Variants in OR3A1 observed in about 807,000 individuals in gnomAD.
The protein encoded by OR3A1 is olfactory receptor family 3 subfamily A member 1.
For missense variants in OR3A1, 402 were observed against 393.8 expected, an observed-to-expected ratio of 1.02 and a Z score of -0.18; for synonymous variants, 145 against 160.0, an observed-to-expected ratio of 0.91 and a Z score of 0.71.
intron 1 of OR3A1, among the ~76,000 whole-genome samples, chr17:3,296,866 A>C (rs532784120): frequency 1.4e-4 from 21 of 152,344 alleles, no homozygotes; most frequent in African/African-American, 4.8e-4. Flanking sequence ...AATTGTGTTA[A>C]ACTTTCAAGG....
At chr17:3,295,428 C>T (rs1188600216) in intron 1 of OR3A1, among the ~76,000 whole-genome samples, 2 of 151,992 alleles carry the variant, frequency 1.3e-5, no homozygotes, top group Non-Finnish European at 2.9e-5. Flanking sequence ...TGGAACTCTA[C>T]ACAAAGTTAC....
At position 3,292,553 on chromosome 17, in the gene OR3A1, T is replaced by C; in HGVS notation, c.30A>G (p.Thr10=). 6.2e-7 allele frequency: 1 copy of C among 1,611,604 alleles called. No homozygotes were observed. Residue 10 remains threonine (T), a synonymous_variant, in exon 2 of 2, where the codon ACA becomes ACG. Coordinates refer to ENST00000323404, the MANE Select transcript of OR3A1 (RefSeq NM_002550.3). MQPESGANG[T]VIAEFILLGL... The stretch of plus-strand genomic sequence containing the variant: ...CCAGCAGGATGAACTCAGCAATGAC[T>C]GTTCCATTGGCCCCAGATTCTGGCT...
Position 3,291,703 on chromosome 17 carries a change from T to C in OR3A1, c.880A>G (p.Ser294Gly), listed in dbSNP as rs1173562145. 1.9e-6 allele frequency: 3 copies of C among 1,612,168 alleles called. No individual in the cohort carries two copies. The highest frequency in any genetic ancestry group is 2.5e-6 in the Non-Finnish European group (3 of 1,178,414). ...CTCTGCACATCAGGGTTTCTGAAGC[T>C]GTAGATGATTGGGTTCAGCATGGGA... ...INPMLNPIIY[S>G]FRNPDVQSAI... The change falls in exon 2 of 2, where the codon AGC (serine) becomes GGC (glycine). Residue 294 changes from serine to glycine, a missense_variant. Physicochemically the swap from Ser to Gly is moderately conservative, Grantham distance 56 (BLOSUM62 0). Transcript: ENST00000323404.
At chr17:3,293,469 T>C (rs1337158306) in intron 1 of OR3A1, among the ~76,000 whole-genome samples, 1 of 152,206 alleles carries the variant, frequency 6.6e-6, no homozygotes, top group African/African-American at 2.4e-5. Flanking sequence ...AGGTTCCTGC[T>C]AGTCTGAAAC....
rs761434017 is a variant in OR3A1, at chr17:3,291,628, G to A, written c.*7C>T. 1.9e-6 allele frequency: 3 copies of A among 1,579,164 alleles called. No homozygotes were observed. In the South Asian group the frequency reaches 3.4e-5, roughly 18 times the overall value. On this transcript the variant is annotated 3_prime_UTR_variant, in exon 2 of 2. Coordinates refer to ENST00000323404, the MANE Select transcript of OR3A1 (RefSeq NM_002550.3). Reference sequence around the variant, plus strand: ...GACACAGGGAGAAAGGGTCAATTGAGACCTCCTCAAGCCAGTGACCGCCTC... The same window carrying A: ...GACACAGGGAGAAAGGGTCAATTGAAACCTCCTCAAGCCAGTGACCGCCTC...
At position 3,292,138 on chromosome 17, in the gene OR3A1, C is replaced by A; in HGVS notation, c.445G>T (p.Ala149Ser). Residue 149 changes from alanine (A) to serine (S), a missense_variant, in exon 2 of 2, where the codon GCT becomes TCT. Transcript: ENST00000323404. ...GTGAAAGCACAAGCCCAGGACGCAG[C>A]CACCAACATCCTCTGGACTGTCTGA... is the stretch of plus-strand genomic sequence containing the variant. Reference protein sequence around the residue: ...MSQTVQRMLVAASWACAFTNA... With the variant: ...MSQTVQRMLVSASWACAFTNA... 6.2e-7 allele frequency: 1 copy of A among 1,614,128 alleles called. No individual in the cohort carries two copies. Among genetic ancestry groups the A allele is most frequent in the Non-Finnish European group, 8.5e-7 (1 of 1,180,030 alleles).
At chr17:3,297,943 C>T (rs2048932897) in intron 1 of OR3A1, among the ~76,000 whole-genome samples, 1 of 151,580 alleles carries the variant, frequency 6.6e-6, no homozygotes, top group Non-Finnish European at 1.5e-5. Flanking sequence ...GTCTCTTCTC[C>T]CTTTATCTAG....
At position 3,297,382 on chromosome 17, in the gene OR3A1, T is replaced by C. The variant is rs113324834; in HGVS notation, c.-7+901A>G. On this transcript the variant is annotated intron_variant, in intron 1 of 1. Coordinates refer to ENST00000323404, the MANE Select transcript of OR3A1 (RefSeq NM_002550.3). ...ATCCACTTTAACTCAGGTTGTAAGG[T>C]TTTACACCCTTTGATTCTGTATCTT... Among the ~76,000 whole-genome samples the C allele has an allele frequency of 2.5e-3, 380 of 152,310 alleles. 2 individuals are homozygous for C. The highest frequency in any genetic ancestry group is 8.4e-3 in the African/African-American group (349 of 41,572).
intron 1 of OR3A1, among the ~76,000 whole-genome samples, chr17:3,293,234 G>A (rs2048891976): frequency 6.6e-6 from 1 of 151,858 alleles, no homozygotes; most frequent in Non-Finnish European, 1.5e-5. Flanking sequence ...ATGGGTATAT[G>A]GTGTAAAGTA....
chr17:3,292,404 G>T lies in OR3A1; in HGVS notation c.179C>A (p.Thr60Asn), dbSNP rs201853018. 322 of 1,614,014 alleles carry T rather than the reference G, an allele frequency of 2.0e-4. 4 individuals are homozygous for T. The East Asian group carries it at 7.1e-3, about 36-fold the overall frequency. Residue 60 changes from threonine to asparagine, a missense_variant, in exon 2 of 2, where the codon ACC (threonine) becomes AAC (asparagine). Coordinates refer to ENST00000323404, the MANE Select transcript of OR3A1 (RefSeq NM_002550.3). ...AAVLVEPKLH[T>N]PMYFFLGNLS... ...GTTCCCCAGGAAGAAGTACATGGGG[G>T]TGTGGAGTTTGGGCTCCACCAAGAC...
intron 1 of OR3A1, among the ~76,000 whole-genome samples, chr17:3,294,198 G>A (rs28854889): frequency 0.19 from 28,439 of 151,558 alleles, 4,160 homozygotes; most frequent in African/African-American, 0.41. Context: ...AACTTAAGGA[G>A]GCATTTTCTG....
In OR3A1 at chr17:3,292,159, T is replaced by C; in HGVS notation, c.424A>G (p.Thr142Ala). 1 of 1,614,064 alleles carries C rather than the reference T, an allele frequency of 6.2e-7. No homozygotes were observed. The highest frequency in any genetic ancestry group is 8.5e-7 in the Non-Finnish European group (1 of 1,180,018). The change falls in exon 2 of 2, where the codon ACA becomes GCA. Residue 142 changes from threonine to alanine, a missense_variant. By Grantham distance (58) the Thr-to-Ala change is moderately conservative (BLOSUM62 0). Coordinates refer to ENST00000323404, the MANE Select transcript of OR3A1 (RefSeq NM_002550.3). The stretch of plus-strand genomic sequence containing the variant: ...GCAGCCACCAACATCCTCTGGACTG[T>C]CTGACTCATGCGGGTGCTGTAGGTG... ...PLTYSTRMSQ[T>A]VQRMLVAASW... is the part of the protein sequence containing the mutation.
chr17:3,291,989 A>G lies in OR3A1; in HGVS notation c.594T>C (p.Asn198=). Residue 198 remains asparagine, a synonymous_variant, in exon 2 of 2, where the codon AAT becomes AAC. Coordinates refer to ENST00000323404, the MANE Select transcript of OR3A1 (RefSeq NM_002550.3). ...AACCCACAGCAAAAAGCAGCAGCTCATTGAGTTGGGTGCTGGAGCAGGAGA... is the reference window on the plus strand; with the variant it reads ...AACCCACAGCAAAAAGCAGCAGCTCGTTGAGTTGGGTGCTGGAGCAGGAGA... ...FQLSCSSTQL[N]ELLLFAVGFI... 6.2e-7 allele frequency: 1 copy of G among 1,614,234 alleles called. No individual in the cohort carries two copies. Among genetic ancestry groups the G allele is most frequent in the Non-Finnish European group, 8.5e-7 (1 of 1,180,028 alleles).
chr17:3,297,200 T>TAAATCAACA (rs2048925904), intron 1 of OR3A1, among the ~76,000 whole-genome samples: 1 of 152,210 alleles, frequency 6.6e-6, no homozygotes, highest in Non-Finnish European at 1.5e-5. Flanking sequence ...TAAAAATTCT[T>TAAATCAACA]AAATCAACAA....
chr17:3,297,590 T>C (rs1414835640), intron 1 of OR3A1, among the ~76,000 whole-genome samples: 1 of 151,632 alleles, frequency 6.6e-6, no homozygotes, highest in African/African-American at 2.4e-5. Flanking sequence ...GGCTCTTAGC[T>C]CTGTTAACCT....
intron 1 of OR3A1, among the ~76,000 whole-genome samples, chr17:3,295,176 G>GA (rs2048909551): frequency 6.6e-6 from 1 of 152,040 alleles, no homozygotes. Context: ...AAGGAGATAG[G>GA]AGGACGTATG....
At chr17:3,297,954 A>T (rs1308940820) in intron 1 of OR3A1, among the ~76,000 whole-genome samples, 1 of 151,888 alleles carries the variant, frequency 6.6e-6, no homozygotes, top group Non-Finnish European at 1.5e-5. Flanking sequence ...CTTTATCTAG[A>T]TGGCGTGGGG....
intron 1 of OR3A1, among the ~76,000 whole-genome samples, chr17:3,294,653 A>T (rs1482336604): frequency 1.3e-5 from 2 of 152,224 alleles, no homozygotes; most frequent in East Asian, 1.9e-4. Context: ...CTGAATATCA[A>T]TGATTAAAAA....
chr17:3,295,104 A>G (rs2048909048), intron 1 of OR3A1, among the ~76,000 whole-genome samples: 1 of 152,148 alleles, frequency 6.6e-6, no homozygotes, highest in Non-Finnish European at 1.5e-5. Flanking sequence ...AATTGTAAGT[A>G]TGAAAGAAAG....
Sources: allele counts gnomAD v4.1 joint callset (sites outside exome capture counted in the v4.1 genomes callset), GRCh38; gene constraint gnomAD v4.1.1; transcripts MANE v1.5; gene names NCBI Gene and HGNC (gene_info 2026-07-23, HGNC 2026-07-21).